The following F5 variants were observed in gnomAD, a reference collection of about 807,000 sequenced individuals.
F5 encodes coagulation factor V.
In F5, 138 loss-of-function variants were observed where a neutral mutation model predicts 216.4. The observed-to-expected ratio is 0.64, with a 90% CI of 0.56 to 0.73. F5 has a LOEUF of 0.73. Ranked by LOEUF, F5 falls within the 30% of genes least tolerant of loss-of-function variation. The pLI, the probability that F5 is intolerant of heterozygous loss-of-function variation, is 0.00. For missense variants in F5, 2,403 were observed against 2,674.0 expected (o/e 0.90, Z 2.24); for synonymous variants, 916 against 930.7 (o/e 0.98, Z 0.29).
At chr1:169,572,945 CA>C in intron 2 of F5, among the ~76,000 whole-genome samples, 1 of 133,850 alleles carries the variant, frequency 7.5e-6, no homozygotes. Context: ...ATCACTGGAG[CA>C]TTTTTCTTTT....
At chr1:169,517,373 A>G (rs941655905) in intron 23 of F5, among the ~76,000 whole-genome samples, 6 of 152,154 alleles carry the variant, frequency 3.9e-5, no homozygotes, top group African/African-American at 1.2e-4. Context: ...AGTTCCCAAG[A>G]CTGTGTGGAA....
chr1:169,527,038 C>T (rs1204078148), intron 17 of F5, among the ~76,000 whole-genome samples: 1 of 149,898 alleles, frequency 6.7e-6, no homozygotes, highest in Non-Finnish European at 1.5e-5. Flanking sequence ...CAGATTCACA[C>T]AACGTCACCC....
At chr1:169,579,418 T>G (rs189689548) in intron 2 of F5, among the ~76,000 whole-genome samples, 43 of 152,216 alleles carry the variant, frequency 2.8e-4, no homozygotes, top group African/African-American at 9.4e-4. Flanking sequence ...CCCTCTAAAT[T>G]CTTCATTTGC....
At chr1:169,564,024 T>C (rs1015140000) in intron 3 of F5, among the ~76,000 whole-genome samples, 7 of 152,124 alleles carry the variant, frequency 4.6e-5, no homozygotes, top group Non-Finnish European at 7.4e-5. Context: ...TGAAATCAAA[T>C]CTTGTTTTTT....
At chr1:169,569,400 A>C (rs1660677227) in intron 3 of F5, among the ~76,000 whole-genome samples, 1 of 152,138 alleles carries the variant, frequency 6.6e-6, no homozygotes, top group Non-Finnish European at 1.5e-5. Flanking sequence ...CATATATTTA[A>C]AATATGAGAA....
At chr1:169,566,212 C>T (rs1385453278) in intron 3 of F5, among the ~76,000 whole-genome samples, 5 of 152,040 alleles carry the variant, frequency 3.3e-5, no homozygotes, top group Non-Finnish European at 5.9e-5. Flanking sequence ...TACATGGCCT[C>T]ATAAAGTTGA....
In F5 at chr1:169,540,835, C is replaced by A. The variant is rs866669459; in HGVS notation, c.4255G>T (p.Asp1419Tyr). 3 of 1,612,804 alleles carry A rather than the reference C, an allele frequency of 1.9e-6. No homozygotes were observed. The highest frequency in any genetic ancestry group is 2.7e-5 in the African/African-American group (2 of 74,644). The change falls in exon 13 of 25, where the codon GAT (aspartate) becomes TAT (tyrosine). Residue 1419 changes from aspartate to tyrosine, a missense_variant. By Grantham distance (160) the Asp-to-Tyr change is radical (BLOSUM62 -3). Around this residue, in one of 4 missense-constraint regions of F5, gnomAD observed 293 missense variants for 270.8 expected, o/e 1.08. Transcript: ENST00000367797. ...MTLSPDLGET[D>Y]LSPNFGQMSL... ...ATCTGACCAAAGTTTGGGGAAAGAT[C>A]TGTCTCACCAAGGTCTGGAGAAAGT...
Position 169,540,535 on chromosome 1 carries a change from C to T in F5, c.4555G>A (p.Gly1519Ser). ...GGAATGATCTCAATGTAATCTGTACCATCTTTACTGAGGCCCACTATAACC... is the reference window on the plus strand; with the variant it reads ...GGAATGATCTCAATGTAATCTGTACTATCTTTACTGAGGCCCACTATAACC... The part of the protein sequence containing the change: ...PLVIVGLSKD[G>S]TDYIEIIPKE... The change falls in exon 13 of 25, where the codon GGT becomes AGT. Residue 1519 changes from glycine to serine, a missense_variant. Coordinates refer to ENST00000367797, the MANE Select transcript of F5 (RefSeq NM_000130.5). 1 of 1,613,878 alleles carries T rather than the reference C, an allele frequency of 6.2e-7. No homozygotes were observed.
rs3752583 is a variant in F5 at position 169,527,644 on chromosome 1, C to T, written c.5599+271G>A. 2.5e-4 allele frequency among the ~76,000 whole-genome samples: 38 copies of T among 152,240 alleles called. 1 individual carries two copies. The East Asian group carries it at 7.0e-3, about 28-fold the overall frequency. Reference sequence around the variant, plus strand: ...TGCTTAAGACCTCATCTGTATGACACACAGTGGCTTGGGAGAAACTGCATG... The same window carrying T: ...TGCTTAAGACCTCATCTGTATGACATACAGTGGCTTGGGAGAAACTGCATG... On this transcript the variant is annotated intron_variant, in intron 17 of 24. Transcript: ENST00000367797.
intron 10 of F5, among the ~76,000 whole-genome samples, chr1:169,547,414 A>G (rs71504682): frequency 2.0e-5 from 3 of 152,216 alleles, no homozygotes; most frequent in Admixed American, 2.0e-4. Context: ...CAACATTCAG[A>G]ATGGGAGAAA....
intron 14 of F5, 85 bp from the exon 15 acceptor site, chr1:169,531,107 C>T: frequency 9.8e-7 from 1 of 1,022,164 alleles, no homozygotes; most frequent in Non-Finnish European, 1.5e-6. Context: ...GTCAAAATGG[C>T]TGGTTATAAA....
At chr1:169,524,476 G>A (rs973210395) in intron 19 of F5, among the ~76,000 whole-genome samples, 7 of 152,174 alleles carry the variant, frequency 4.6e-5, no homozygotes, top group South Asian at 2.1e-4. Context: ...AAATGGGCGC[G>A]TGGTCATAAG....
chr1:169,570,493 A>T (rs1316799886), intron 3 of F5, among the ~76,000 whole-genome samples: 1 of 152,134 alleles, frequency 6.6e-6, no homozygotes, highest in Non-Finnish European at 1.5e-5. Context: ...TCCTGTTCCC[A>T]CTACCTCACC....
chr1:169,524,597 A>G (rs1460704687), intron 19 of F5, among the ~76,000 whole-genome samples: 1 of 152,202 alleles, frequency 6.6e-6, no homozygotes, highest in African/African-American at 2.4e-5. Flanking sequence ...CTTTGGGATC[A>G]TTATACACCA....
intron 22 of F5, among the ~76,000 whole-genome samples, chr1:169,519,553 C>A (rs1659235250): frequency 2.0e-5 from 3 of 152,154 alleles, no homozygotes; most frequent in African/African-American, 7.2e-5. Flanking sequence ...ATACCCATAT[C>A]CATCCAAGGG....
chr1:169,556,770 C>G lies in F5; in HGVS notation c.828G>C (p.Leu276=), dbSNP rs1445433470. ...CTGAGACCTTATGATGGTTCTGCTCCAGGACCTGGCCGTTGAAATGAATGG... is the reference window on the plus strand; with the variant it reads ...CTGAGACCTTATGATGGTTCTGCTCGAGGACCTGGCCGTTGAAATGAATGG... The part of the protein sequence containing the change: ...LFSIHFNGQV[L]EQNHHKVSAI... Residue 276 remains leucine, a synonymous_variant, in exon 6 of 25, where the codon CTG becomes CTC. Transcript: ENST00000367797. 6.2e-7 allele frequency: 1 copy of G among 1,614,092 alleles called. No homozygotes were observed. The highest frequency in any genetic ancestry group is 1.1e-5 in the South Asian group (1 of 91,076).
At chr1:169,528,375 C>G (rs888169272) in intron 16 of F5, among the ~76,000 whole-genome samples, 1 of 152,182 alleles carries the variant, frequency 6.6e-6, no homozygotes, top group Non-Finnish European at 1.5e-5. Context: ...TTTTACAGTT[C>G]CGTGCTTTAC....
chr1:169,545,939 T>G (rs1048107813), intron 11 of F5, among the ~76,000 whole-genome samples: 1 of 152,156 alleles, frequency 6.6e-6, no homozygotes, highest in African/African-American at 2.4e-5. Flanking sequence ...TTCCTTTTGT[T>G]CTGAAAATCT....
At chr1:169,524,023 T>G in intron 19 of F5, 119 bp from the exon 20 acceptor site, 1 of 835,220 alleles carries the variant, frequency 1.2e-6, no homozygotes, top group South Asian at 1.4e-5. Flanking sequence ...TAGTCAGGAG[T>G]CTAGGCATGG....
Sources: gnomAD v4.1 joint callset for allele counts (sites outside exome capture counted in the v4.1 genomes callset) on GRCh38, gnomAD v4.1.1 for gene constraint, gnomAD v4.1.1 regional missense constraint, MANE v1.5 for transcripts, NCBI Gene and HGNC (gene_info 2026-07-23, HGNC 2026-07-21) for gene names.